LMNTD1: variants seen among roughly 807,000 people sequenced by gnomAD.
LMNTD1 encodes the protein lamin tail domain-containing protein 1.
A neutral mutation model predicts 50.9 loss-of-function variants in LMNTD1; 35 were observed. The ratio of observed to expected loss-of-function variants is 0.69; its 90% CI spans 0.53 to 0.91. The LOEUF is 0.91. LMNTD1 is among the 40% of genes least tolerant of loss of function. LMNTD1 has a pLI of 0.00. For synonymous variants in LMNTD1, 153 were observed against 161.9 expected (o/e 0.94, Z 0.42); for missense variants, 470 against 475.5 (o/e 0.99, Z 0.11).
At chr12:25,551,685 C>T (rs893726361) in intron 2 of LMNTD1, among the ~76,000 whole-genome samples, 1 of 152,202 alleles carries the variant, frequency 6.6e-6, no homozygotes. Context: ...AGCCACTATG[C>T]CTGGCCGAAT....
At chr12:25,555,382 C>G (rs888070000), upstream of LMNTD1, among the ~76,000 whole-genome samples, 2 of 152,174 alleles carry the variant, frequency 1.3e-5, no homozygotes, top group Non-Finnish European at 2.9e-5. Context: ...GATGAATCCT[C>G]TGCTTTACAT....
chr12:25,559,195 CT>C (rs1944174639), intron 1 of LMNTD1, among the ~76,000 whole-genome samples: 1 of 152,056 alleles, frequency 6.6e-6, no homozygotes, highest in Non-Finnish European at 1.5e-5. Flanking sequence ...TACCTCCCCC[CT>C]GCCCCCACCC....
intron 4 of LMNTD1, among the ~76,000 whole-genome samples, chr12:25,538,616 A>G (rs1314190259): frequency 7.0e-6 from 1 of 142,314 alleles, no homozygotes; most frequent in East Asian, 2.1e-4. Flanking sequence ...CCGCTGCAAA[A>G]TCATGCCAAA....
At chr12:25,499,406 A>AT (rs930111099) in intron 9 of LMNTD1, among the ~76,000 whole-genome samples, 2 of 151,038 alleles carry the variant, frequency 1.3e-5, no homozygotes, top group South Asian at 2.1e-4. Context: ...AGGATTATTC[A>AT]TTTTTTTTTC....
At chr12:25,527,658 ATATAT>A (rs1362282139) in intron 4 of LMNTD1, among the ~76,000 whole-genome samples, 2 of 26,036 alleles carry the variant, frequency 7.7e-5, no homozygotes, top group Non-Finnish European at 1.6e-4. Flanking sequence ...ATATATATAT[ATATAT>A]ATATATATAT....
At chr12:25,594,625 C>G (rs1398330446) in intron 1 of LMNTD1, among the ~76,000 whole-genome samples, 1 of 117,282 alleles carries the variant, frequency 8.5e-6, no homozygotes, top group Non-Finnish European at 1.7e-5. Flanking sequence ...AAGCATAAAT[C>G]TCACAGGACC....
At chr12:25,608,936 T>A (rs185079786) in intron 1 of LMNTD1, among the ~76,000 whole-genome samples, 21 of 152,336 alleles carry the variant, frequency 1.4e-4, no homozygotes, top group African/African-American at 4.8e-4. Flanking sequence ...GGTTCCATTC[T>A]CCATGTCACT....
At chr12:25,489,825 ACTTCCAAAATCTTTATGTTGAAAAAG>A (rs1392423765) in intron 9 of LMNTD1, among the ~76,000 whole-genome samples, 6 of 152,332 alleles carry the variant, frequency 3.9e-5, no homozygotes, top group Admixed American at 1.3e-4. Flanking sequence ...ATTTGAAAGC[ACTTCCAAAATCTTTATGTTGAAAAAG>A]CTTCCAAAAT....
rs559627203 is a variant in LMNTD1, at chr12:25,612,324, A to ACG, written c.58+36169_58+36170insCG. Among the ~76,000 whole-genome samples the ACG allele has an allele frequency of 2.5e-3, 287 of 113,130 alleles. 2 individuals are homozygous for ACG. In the Middle Eastern group the frequency reaches 0.028, roughly 11 times the overall value. 74.2% of individuals were successfully genotyped at this position (113,130 alleles called of 152,430 possible). ...CACACACACACACACACACACACAC[A>ACG]CACACGCGCTCCCACTGTCAACAAC... On this transcript the variant is annotated intron_variant, in intron 1 of 7. Coordinates refer to the LMNTD1 transcript ENST00000445693.
chr12:25,583,998 G>A (rs1233498225), intron 1 of LMNTD1, among the ~76,000 whole-genome samples: 2 of 152,168 alleles, frequency 1.3e-5, no homozygotes, highest in Admixed American at 6.6e-5. Flanking sequence ...CATCATCCAG[G>A]GAGAGCCTAT....
chr12:25,593,080 G>T (rs900624128), intron 1 of LMNTD1, among the ~76,000 whole-genome samples: 1 of 121,832 alleles, frequency 8.2e-6, no homozygotes, highest in African/African-American at 3.2e-5. Flanking sequence ...CGCCCAAGAA[G>T]AGTCTGAGCT....
At chr12:25,586,582 C>G (rs78624312) in intron 1 of LMNTD1, among the ~76,000 whole-genome samples, 2,948 of 152,238 alleles carry the variant, frequency 0.019, 69 homozygotes, top group African/African-American at 0.06. Flanking sequence ...AAAAGTCATG[C>G]GGCACTTTCT....
intron 1 of LMNTD1, among the ~76,000 whole-genome samples, chr12:25,646,794 G>A (rs1947081645): frequency 6.6e-6 from 1 of 152,160 alleles, no homozygotes; most frequent in Non-Finnish European, 1.5e-5. Context: ...AGGTAGGTAA[G>A]GATCTATTGG....
At chr12:25,632,719 C>T (rs1946747113) in intron 1 of LMNTD1, among the ~76,000 whole-genome samples, 1 of 151,898 alleles carries the variant, frequency 6.6e-6, no homozygotes. Context: ...ACACAGGACC[C>T]ATAAAACAAA....
At chr12:25,580,600 T>A (rs2136415557) in intron 1 of LMNTD1, among the ~76,000 whole-genome samples, 1 of 152,316 alleles carries the variant, frequency 6.6e-6, no homozygotes, top group Non-Finnish European at 1.5e-5. Flanking sequence ...TTTATAGTAA[T>A]TCTTTCTAAA....
At chr12:25,485,249 T>C (rs1316404272) in intron 9 of LMNTD1, among the ~76,000 whole-genome samples, 1 of 147,606 alleles carries the variant, frequency 6.8e-6, no homozygotes, top group Non-Finnish European at 1.5e-5. Context: ...ATTTCTCTGA[T>C]GGCCAGTGAT....
At position 25,517,853 on chromosome 12, in the gene LMNTD1, G is replaced by C. The variant is rs1027339601; in HGVS notation, c.1189+942C>G. Among the ~76,000 whole-genome samples, 3 of 151,904 alleles carry C rather than the reference G, an allele frequency of 2.0e-5. No homozygotes were observed. In the East Asian group the frequency reaches 5.8e-4, roughly 29 times the overall value. ...ACTGTTTTGGGGGTGCCATTTCCCA[G>C]TGATGTGCTAGCATATTAACACAAT... On this transcript the variant is annotated intron_variant, in intron 8 of 9. Coordinates refer to ENST00000458174, the MANE Select transcript of LMNTD1 (RefSeq NM_001145728.2).
chr12:25,631,347 A>C lies in LMNTD1; in HGVS notation c.58+17147T>G, dbSNP rs1439990857. Reference sequence around the variant, plus strand: ...TGGCAGGAGGCCAACCAGCACAAAAATAGAGCATTAAACCACCAAAGCTAA... The same window carrying C: ...TGGCAGGAGGCCAACCAGCACAAAACTAGAGCATTAAACCACCAAAGCTAA... On this transcript the variant is annotated intron_variant, in intron 1 of 7. Transcript: ENST00000445693. Among the ~76,000 whole-genome samples, 4 of 152,166 alleles carry C rather than the reference A, an allele frequency of 2.6e-5. No homozygotes were observed. In the South Asian group the frequency reaches 6.2e-4, roughly 24 times the overall value.
intron 4 of LMNTD1, among the ~76,000 whole-genome samples, chr12:25,533,626 A>G (rs989869278): frequency 6.6e-6 from 1 of 152,228 alleles, no homozygotes; most frequent in African/African-American, 2.4e-5. Flanking sequence ...GAAAGGGTAC[A>G]GCATTTAAGA....
Sources: allele counts gnomAD v4.1 joint callset (sites outside exome capture counted in the v4.1 genomes callset), GRCh38; gene constraint gnomAD v4.1.1; transcripts MANE v1.5; gene names NCBI Gene and HGNC (gene_info 2026-07-23, HGNC 2026-07-21).